Variants in NBEAL2 observed in about 807,000 individuals in gnomAD.
NBEAL2 encodes neurobeachin like 2, also known as neurobeachin-like protein 2.
NBEAL2 carries 160 observed loss-of-function variants against 299.8 expected under a neutral mutation model. The observed-to-expected ratio is 0.53, with a 90% CI of 0.47 to 0.61. The LOEUF is 0.61. Ranked by LOEUF, NBEAL2 falls within the 20% of genes least tolerant of loss-of-function variation. NBEAL2 has a pLI of 0.00. For synonymous variants in NBEAL2, 1,493 were observed against 1,542.3 expected (o/e 0.97, Z 0.75); for missense variants, 3,112 against 3,649.0 (o/e 0.85, Z 3.79).
Position 47,003,172 on chromosome 3 carries a change from A to G in NBEAL2, c.5585-2A>G. 6.2e-7 allele frequency: 1 copy of G among 1,604,926 alleles called. No individual in the cohort carries two copies. The highest frequency in any genetic ancestry group is 8.5e-7 in the Non-Finnish European group (1 of 1,173,680). ...CTGCTGAGTACCCTTGGCCCCTTGC[A>G]GGTGAGGTTCCCCTGACACCCACCG... On this transcript the variant is annotated splice_acceptor_variant, in intron 34 of 53. Transcript: ENST00000450053. LOFTEE classifies it high-confidence loss of function. The surrounding 1 kb of genome is among the most constrained non-coding windows in gnomAD (Gnocchi z 7.0).
intron 33 of NBEAL2, 75 bp downstream of exon 33, chr3:47,002,877 C>T: frequency 6.4e-7 from 1 of 1,574,542 alleles, no homozygotes; most frequent in Non-Finnish European, 8.6e-7. Context: ...GAGCCCCAGA[C>T]TGCCTTTGGG....
Position 47,009,607 on chromosome 3 carries a change from CT to C in NBEAL2, c.*288del, listed in dbSNP as rs1287800422. 4.4e-6 allele frequency: 2 copies of C among 458,062 alleles called. No individual in the cohort carries two copies. Among genetic ancestry groups the C allele is most frequent in the African/African-American group, 4.2e-5 (2 of 48,026 alleles). 28.4% of individuals were successfully genotyped at this position (458,062 alleles called of 1,614,324 possible). On this transcript the variant is annotated 3_prime_UTR_variant, in exon 54 of 54. Transcript: ENST00000450053. ...GCGGGGTTCCCCGGCTTCCAAGTCG[CT>C]GTTTCGTCAAAGCACGAGGGCCGCC...
chr3:46,991,759 C>G lies in NBEAL2; in HGVS notation c.925+71C>G. ...AAAAGCCTAAGTGATGATGGAAGGT[C>G]TGGATAGGGCAGCATAGGAAGGAAG... On this transcript the variant is annotated intron_variant, in intron 8 of 53. Transcript: ENST00000450053. This position sits in a 1 kb window ranked among gnomAD's most constrained non-coding sequence, Gnocchi z 6.2. 2 of 1,563,480 alleles carry G rather than the reference C, an allele frequency of 1.3e-6. No homozygotes were observed. The highest frequency in any genetic ancestry group is 1.7e-6 in the Non-Finnish European group (2 of 1,153,922).
intron 20 of NBEAL2, 36 bp downstream of exon 20, chr3:46,997,730 T>C: frequency 6.9e-7 from 1 of 1,453,728 alleles, no homozygotes; most frequent in Non-Finnish European, 9.1e-7. Flanking sequence ...GGGTTAGGGG[T>C]ATGGTCAGCC....
chr3:47,001,455 AG>A lies in NBEAL2; in HGVS notation c.4644+19del. 1 of 1,608,094 alleles carries A rather than the reference AG, an allele frequency of 6.2e-7. No individual in the cohort carries two copies. The highest frequency in any genetic ancestry group is 8.5e-7 in the Non-Finnish European group (1 of 1,178,248). On this transcript the variant is annotated intron_variant, in intron 29 of 53. Coordinates refer to ENST00000450053, the MANE Select transcript of NBEAL2 (RefSeq NM_015175.3). This position sits in a 1 kb window ranked among gnomAD's most constrained non-coding sequence, Gnocchi z 6.1. ...AGTGAGAAGGTGCGACCCCTCAGAG[AG>A]GCGTGAGCCACATGAACACTCATGT...
chr3:46,994,064 G>A lies in NBEAL2; in HGVS notation c.1197+44G>A, dbSNP rs546349549. 3.9e-6 allele frequency: 6 copies of A among 1,547,520 alleles called. No individual in the cohort carries two copies. The South Asian group carries it at 5.9e-5, about 15-fold the overall frequency. ...AGCTTTAGTAGGGGTGCGGGGTGGA[G>A]TTCAACTGACCATATCCCCAGAACA... On this transcript the variant is annotated intron_variant, in intron 11 of 53. Transcript: ENST00000450053.
Position 47,001,103 on chromosome 3 carries a change from G to A in NBEAL2, c.4408G>A (p.Gly1470Ser). Residue 1470 changes from glycine (G) to serine (S), a missense_variant, in exon 28 of 54, where the codon GGC (glycine) becomes AGC (serine). Gly to Ser is a moderately conservative substitution (Grantham distance 56, BLOSUM62 0). This residue lies in a region of NBEAL2 where 2,243 missense variants were observed against 2,538.1 expected (regional missense o/e 0.88). Transcript: ENST00000450053. This position sits in a 1 kb window ranked among gnomAD's most constrained non-coding sequence, Gnocchi z 6.1. The stretch of plus-strand genomic sequence containing the variant: ...CGATGAGGCTGCCTGGCGGGAGCGT[G>A]GCCAGGTTTTCTCAGTGCTCACCCA... The part of the protein sequence containing the change: ...GSDEAAWRER[G>S]QVFSVLTQLG... The A allele has an allele frequency of 6.2e-7, 1 of 1,612,428 alleles. No homozygotes were observed. Among genetic ancestry groups the A allele is most frequent in the Non-Finnish European group, 8.5e-7 (1 of 1,179,476 alleles).
intron 15 of NBEAL2, 79 bp downstream of exon 15, chr3:46,996,130 C>T (rs2107346546): frequency 6.5e-7 from 1 of 1,549,302 alleles, no homozygotes; most frequent in Non-Finnish European, 8.7e-7. Flanking sequence ...GCCTGGAGCC[C>T]TTGTGTCCCG....
rs750089859 is a variant in NBEAL2, at chr3:47,008,438, C to A, written c.7875C>A (p.Ala2625=). 1 of 1,611,638 alleles carries A rather than the reference C, an allele frequency of 6.2e-7. No homozygotes were observed. The highest frequency in any genetic ancestry group is 1.1e-5 in the South Asian group (1 of 91,052). ...GCTCAGCGTGGGAACGTCCTGGGGCCCAGGTATGGGGAAGGGGTGCCCAGC... is the reference window on the plus strand; with the variant it reads ...GCTCAGCGTGGGAACGTCCTGGGGCACAGGTATGGGGAAGGGGTGCCCAGC... ...VQSSAWERPG[A]QVTYSLHLYS... Residue 2625 remains alanine, a synonymous_variant, in exon 51 of 54, where the codon GCC becomes GCA. Coordinates refer to ENST00000450053, the MANE Select transcript of NBEAL2 (RefSeq NM_015175.3).
Position 47,001,050 on chromosome 3 carries a change from C to T in NBEAL2, c.4355C>T (p.Ser1452Leu), listed in dbSNP as rs755590544. The T allele has an allele frequency of 1.5e-5, 24 of 1,612,412 alleles. No homozygotes were observed. Among genetic ancestry groups the T allele is most frequent in the Non-Finnish European group, 1.7e-5 (20 of 1,179,378 alleles). Residue 1452 changes from serine (S) to leucine (L), a missense_variant, in exon 28 of 54, where the codon TCG becomes TTG. This residue lies in a region of NBEAL2 where 2,243 missense variants were observed against 2,538.1 expected (regional missense o/e 0.88). Coordinates refer to ENST00000450053, the MANE Select transcript of NBEAL2 (RefSeq NM_015175.3). The surrounding 1 kb of genome is among the most constrained non-coding windows in gnomAD (Gnocchi z 6.1). ...AATCTGCTCACCAACGTGCTGTTCTCGGTGACGTGGCGTGGCGTGGAAGGC... is the reference window on the plus strand; with the variant it reads ...AATCTGCTCACCAACGTGCTGTTCTTGGTGACGTGGCGTGGCGTGGAAGGC... ...LCNLLTNVLF[S>L]VTWRGVEGSD...
At chr3:46,983,311 C>CCT (rs757834751) in intron 1 of NBEAL2, among the ~76,000 whole-genome samples, 1 of 131,184 alleles carries the variant, frequency 7.6e-6, no homozygotes, top group East Asian at 2.2e-4. Flanking sequence ...GGTCATATTC[C>CCT]TTTTTTTTTT....
chr3:46,998,210 C>G lies in NBEAL2; in HGVS notation c.3102C>G (p.Asp1034Glu). 6.2e-7 allele frequency: 1 copy of G among 1,610,220 alleles called. No individual in the cohort carries two copies. Among genetic ancestry groups the G allele is most frequent in the Non-Finnish European group, 8.5e-7 (1 of 1,178,476 alleles). The part of the protein sequence containing the change: ...LFNFHLWTLS[D>E]FAVRLGHIQY... ...ACTTTCACCTCTGGACCCTCAGTGA[C>G]TTCGCCGTGCGCCTCGGTAGGTGTG... is the stretch of plus-strand genomic sequence containing the variant. The change falls in exon 21 of 54, where the codon GAC (aspartate) becomes GAG (glutamate). Residue 1034 changes from aspartate to glutamate, a missense_variant. By Grantham distance (45) the Asp-to-Glu change is conservative. Transcript: ENST00000450053.
Position 47,008,102 on chromosome 3 carries a change from TGTGC to T in NBEAL2, c.7636_7639del (p.Val2546ArgfsTer10). ...TGTCAGTAGGCCTGGCACCAAAGCCTGTGCAGGTCCTGTATGGGCATGGGGCTGC... is the reference window on the plus strand; with the variant it reads ...TGTCAGTAGGCCTGGCACCAAAGCCTAGGTCCTGTATGGGCATGGGGCTGC... On this transcript the variant is annotated frameshift_variant, in exon 50 of 54. Coordinates refer to ENST00000450053, the MANE Select transcript of NBEAL2 (RefSeq NM_015175.3). LOFTEE classifies it high-confidence loss of function. 6.2e-7 allele frequency: 1 copy of T among 1,614,002 alleles called. No individual in the cohort carries two copies. Among genetic ancestry groups the T allele is most frequent in the Non-Finnish European group, 8.5e-7 (1 of 1,179,886 alleles).
intron 15 of NBEAL2, 77 bp downstream of exon 15, chr3:46,996,128 C>T: frequency 6.5e-7 from 1 of 1,547,560 alleles, no homozygotes; most frequent in Non-Finnish European, 8.7e-7. Context: ...TAGCCTGGAG[C>T]CCTTGTGTCC....
At chr3:47,007,466 AG>A in intron 47 of NBEAL2, 58 bp from the exon 48 acceptor site, 1 of 1,570,954 alleles carries the variant, frequency 6.4e-7, no homozygotes, top group Non-Finnish European at 8.7e-7. Flanking sequence ...AGGCTCCCTG[AG>A]GGCCTGGGTC....
At chr3:47,008,937 C>T (rs1405017012) in intron 52 of NBEAL2, 52 bp from the exon 53 acceptor site, 4 of 1,596,130 alleles carry the variant, frequency 2.5e-6, no homozygotes, top group Non-Finnish European at 3.4e-6. Context: ...ATCTGCTGGT[C>T]GCAAAGCCCC....
At chr3:46,999,825 C>A in intron 26 of NBEAL2, 64 bp from the exon 27 acceptor site, 1 of 1,597,914 alleles carries the variant, frequency 6.3e-7, no homozygotes, top group Admixed American at 1.7e-5. Flanking sequence ...TCTGCAAAGG[C>A]CCTGGATGAG....
In NBEAL2 at chr3:47,003,031, A is replaced by G. The variant is rs779753592; in HGVS notation, c.5534A>G (p.Asn1845Ser). ...CGCATGCGTCTGAAGCTGGTGCCCAACCATCACTTCGACCCTCACCTGGAA... is the reference window on the plus strand; with the variant it reads ...CGCATGCGTCTGAAGCTGGTGCCCAGCCATCACTTCGACCCTCACCTGGAA... ...YSRMRLKLVP[N>S]HHFDPHLEAS... Residue 1845 changes from asparagine to serine, a missense_variant, in exon 34 of 54, where the codon AAC (asparagine) becomes AGC (serine). By Grantham distance (46) the Asn-to-Ser change is conservative. Around this residue, in one of 3 missense-constraint regions of NBEAL2, gnomAD observed 2,243 missense variants for 2,538.1 expected, o/e 0.88. Transcript: ENST00000450053. This position sits in a 1 kb window ranked among gnomAD's most constrained non-coding sequence, Gnocchi z 7.0. 3.7e-6 allele frequency: 6 copies of G among 1,613,226 alleles called. No individual in the cohort carries two copies. The highest frequency in any genetic ancestry group is 3.3e-5 in the South Asian group (3 of 91,018).
Position 47,001,301 on chromosome 3 carries a change from T to C in NBEAL2, c.4507T>C (p.Ser1503Pro). 6.2e-7 allele frequency: 1 copy of C among 1,610,814 alleles called. No individual in the cohort carries two copies. Among genetic ancestry groups the C allele is most frequent in the Non-Finnish European group, 8.5e-7 (1 of 1,177,746 alleles). Residue 1503 changes from serine (S) to proline (P), a missense_variant, in exon 29 of 54, where the codon TCA becomes CCA. Transcript: ENST00000450053. This position sits in a 1 kb window ranked among gnomAD's most constrained non-coding sequence, Gnocchi z 6.1. ...KRSLLEMMLE[S>P]ALTDIKEAPV... ...CAGCCTCCTGGAGATGATGCTGGAG[T>C]CAGCCCTGACCGACATCAAAGAGGC...
Sources: gnomAD v4.1 joint callset for allele counts (sites outside exome capture counted in the v4.1 genomes callset) on GRCh38, gnomAD v4.1.1 for gene constraint, gnomAD v4.1.1 regional missense constraint, Gnocchi (gnomAD v3.1) non-coding constraint, MANE v1.5 for transcripts, NCBI Gene and HGNC (gene_info 2026-07-23, HGNC 2026-07-21) for gene names.